TNS4: variants seen among roughly 807,000 people sequenced by gnomAD.
TNS4 encodes tensin 4.
Under a neutral mutation model 70.4 loss-of-function variants are expected in TNS4, and 46 were observed. The ratio of observed to expected loss-of-function variants is 0.65; its 90% CI spans 0.52 to 0.84. The LOEUF (loss-of-function observed/expected upper bound fraction) is 0.84, where lower values mean the gene tolerates loss of function less well. Among genes scored for constraint, TNS4 ranks in the 40% least tolerant of loss-of-function variants. The probability of loss-of-function intolerance (pLI) is 0.00; values close to 1 mark genes in which losing one functional copy is unlikely to be tolerated. For missense variants in TNS4, 863 were observed against 907.0 expected (o/e 0.95, Z 0.62); for synonymous variants, 390 against 366.6 (o/e 1.06, Z -0.73).
At chr17:40,482,076 G>A in intron 8 of TNS4, 53 bp downstream of exon 8, 2 of 1,593,448 alleles carry the variant, frequency 1.3e-6, no homozygotes, top group East Asian at 2.2e-5. Flanking sequence ...CATTTCTAAT[G>A]AGAACAAACA....
chr17:40,478,052 C>T, intron 12 of TNS4: 5 of 611,536 alleles, frequency 8.2e-6, no homozygotes, highest in Non-Finnish European at 1.4e-5. Flanking sequence ...TGGGACATTC[C>T]AATAGCTTGA....
At position 40,476,906 on chromosome 17, in the gene TNS4, G is replaced by A. The variant is rs1418861584; in HGVS notation, c.*682C>T. 1 of 152,208 alleles carries A rather than the reference G, an allele frequency of 6.6e-6. No individual in the cohort carries two copies. The highest frequency in any genetic ancestry group is 2.4e-5 in the African/African-American group (1 of 41,412). 9.4% of individuals were successfully genotyped at this position (152,208 alleles called of 1,614,324 possible). On this transcript the variant is annotated 3_prime_UTR_variant, in exon 13 of 13. Transcript: ENST00000254051. ...ACCAAGTGGAAAGAAAAGATGGGGTGATACTCATCTGCAAGGGGGTGCAGG... is the reference window on the plus strand; with the variant it reads ...ACCAAGTGGAAAGAAAAGATGGGGTAATACTCATCTGCAAGGGGGTGCAGG...
intron 6 of TNS4, among the ~76,000 whole-genome samples, chr17:40,483,971 C>T (rs1478548356): frequency 6.6e-6 from 1 of 152,188 alleles, no homozygotes; most frequent in Admixed American, 6.5e-5. Flanking sequence ...CACTGTATCC[C>T]TGCTGCCTCA....
chr17:40,487,460 G>T lies in TNS4; in HGVS notation c.864C>A (p.Ser288Arg). The change falls in exon 4 of 13, where the codon AGC becomes AGA. Residue 288 changes from serine to arginine, a missense_variant and splice_region_variant. Ser to Arg is a moderately radical substitution (Grantham distance 110). Coordinates refer to ENST00000254051, the MANE Select transcript of TNS4 (RefSeq NM_032865.6). ...PVSDVSYMFG[S>R]SQSLLHSSNS... ...TGCTGGAGTGCAGGAGGGACTGGCT[G>T]CTGCAGCGGGAGAGAGTCAGACAGG... 1 of 1,599,162 alleles carries T rather than the reference G, an allele frequency of 6.3e-7. No homozygotes were observed. Among genetic ancestry groups the T allele is most frequent in the Non-Finnish European group, 8.5e-7 (1 of 1,169,816 alleles).
At chr17:40,480,792 C>A (rs779657652) in intron 8 of TNS4, 24 bp from the exon 9 acceptor site, 6 of 1,598,020 alleles carry the variant, frequency 3.8e-6, no homozygotes, top group Middle Eastern at 1.7e-4. Context: ...AAGAAACAGG[C>A]CCCCCAAAGG....
chr17:40,494,374 C>T (rs562368294), intron 2 of TNS4, among the ~76,000 whole-genome samples: 1 of 152,364 alleles, frequency 6.6e-6, no homozygotes, highest in East Asian at 1.9e-4. Flanking sequence ...CTGACGCCAG[C>T]CATTAGGCTA....
intron 11 of TNS4, 92 bp downstream of exon 11, chr17:40,478,488 C>G: frequency 6.4e-7 from 1 of 1,573,460 alleles, no homozygotes; most frequent in Non-Finnish European, 8.7e-7. Flanking sequence ...CACAGGCTCC[C>G]TCTGGGATCC....
intron 3 of TNS4, 40 bp downstream of exon 3, chr17:40,488,506 C>CTG (rs146557394): frequency 1.1e-4 from 159 of 1,428,944 alleles, no homozygotes; most frequent in Admixed American, 8.2e-4. Context: ...GTGCGTGTGC[C>CTG]TGTGTGTGTG....
Position 40,484,500 on chromosome 17 carries a change from A to C in TNS4, c.1485T>G (p.Ser495=). 6.2e-7 allele frequency: 1 copy of C among 1,611,460 alleles called. No homozygotes were observed. Among genetic ancestry groups the C allele is most frequent in the Non-Finnish European group, 8.5e-7 (1 of 1,179,988 alleles). ...GACGCATACCTGGTCGACTCTGAGCAGACGCGGGAACCTCCTGCACCTTCA... is the reference window on the plus strand; with the variant it reads ...GACGCATACCTGGTCGACTCTGAGCCGACGCGGGAACCTCCTGCACCTTCA... ...LALKVQEVPA[S]AQSRPGEDSN... Residue 495 remains serine, a synonymous_variant, in exon 6 of 13, where the codon TCT becomes TCG. Coordinates refer to ENST00000254051, the MANE Select transcript of TNS4 (RefSeq NM_032865.6).
intron 12 of TNS4, 107 bp downstream of exon 12, chr17:40,478,200 T>G: frequency 1.4e-6 from 2 of 1,418,672 alleles, no homozygotes; most frequent in Admixed American, 1.8e-5. Flanking sequence ...GACCAGGGCC[T>G]GTGCCCTCAT....
Position 40,478,639 on chromosome 17 carries a change from GA to G in TNS4, c.1919del (p.Phe640SerfsTer66). On this transcript the variant is annotated frameshift_variant, in exon 11 of 13. Coordinates refer to ENST00000254051, the MANE Select transcript of TNS4 (RefSeq NM_032865.6). LOFTEE classifies it high-confidence loss of function. ...GGGTGGTGAGTGGGTAATGGCGCCG[GA>G]AAAACACCCTAGGAGGAGGCGGGGA... The part of the protein sequence containing the change: ...TLTDVQRKVF[F>X]RRHYPLTTLR... 1 of 1,614,024 alleles carries G rather than the reference GA, an allele frequency of 6.2e-7. No homozygotes were observed. The highest frequency in any genetic ancestry group is 8.5e-7 in the Non-Finnish European group (1 of 1,179,940).
chr17:40,501,408 A>AG (rs2036214363), intron 1 of TNS4, 126 bp downstream of exon 1: 1 of 148,162 alleles, frequency 6.7e-6, no homozygotes, highest in South Asian at 2.1e-4. Flanking sequence ...AGATCGCGCC[A>AG]CTGCACTCCA....
At chr17:40,493,212 T>C (rs1440982570) in intron 2 of TNS4, among the ~76,000 whole-genome samples, 2 of 152,144 alleles carry the variant, frequency 1.3e-5, no homozygotes, top group African/African-American at 2.4e-5. Flanking sequence ...AATATAGAAT[T>C]GCCAATGTTT....
intron 2 of TNS4, among the ~76,000 whole-genome samples, chr17:40,489,217 T>G (rs1012337489): frequency 3.3e-5 from 5 of 152,052 alleles, no homozygotes; most frequent in Admixed American, 1.3e-4. Flanking sequence ...GACCCAGGCT[T>G]CAGATCTGGC....
intron 1 of TNS4, among the ~76,000 whole-genome samples, chr17:40,499,107 G>A (rs1008042171): frequency 3.9e-5 from 6 of 152,150 alleles, no homozygotes; most frequent in Non-Finnish European, 1.5e-5. Context: ...ACAGCCCAGC[G>A]CCACACCCTG....
chr17:40,496,504 C>A lies in TNS4; in HGVS notation c.-79G>T. 1 of 1,407,624 alleles carries A rather than the reference C, an allele frequency of 7.1e-7. No individual in the cohort carries two copies. Among genetic ancestry groups the A allele is most frequent in the South Asian group, 1.4e-5 (1 of 72,120 alleles). 87.2% of individuals were successfully genotyped at this position (1,407,624 alleles called of 1,614,324 possible). The stretch of plus-strand genomic sequence containing the variant: ...ACATCCCAGAGATCTCACTTGCTAA[C>A]CAGGAGCTCCCAGGATCTGAAAGAG... On this transcript the variant is annotated 5_prime_UTR_variant, in exon 2 of 13. Transcript: ENST00000254051.
At position 40,480,722 on chromosome 17, in the gene TNS4, G is replaced by C. The variant is rs2035910872; in HGVS notation, c.1719C>G (p.Ala573=). The part of the protein sequence containing the change: ...DGASDSTDSP[A]SCQKKSAGCH... ...CACCCGCAGATTTCTTCTGGCAGGA[G>C]GCTGGGCTGTCTGTAGAGTCCGAGG... The change falls in exon 9 of 13, where the codon GCC becomes GCG. Residue 573 remains alanine (A), a synonymous_variant. Coordinates refer to ENST00000254051, the MANE Select transcript of TNS4 (RefSeq NM_032865.6). 1.3e-6 allele frequency: 2 copies of C among 1,580,290 alleles called. No individual in the cohort carries two copies. Among genetic ancestry groups the C allele is most frequent in the Non-Finnish European group, 1.7e-6 (2 of 1,166,796 alleles).
intron 2 of TNS4, among the ~76,000 whole-genome samples, chr17:40,489,357 T>C (rs1429208725): frequency 1.3e-5 from 2 of 152,148 alleles, no homozygotes; most frequent in Admixed American, 6.5e-5. Flanking sequence ...GTGAAACTCA[T>C]GTAGGCAGCA....
At chr17:40,480,870 A>G (rs1203062514) in intron 8 of TNS4, 102 bp from the exon 9 acceptor site, 3 of 1,295,608 alleles carry the variant, frequency 2.3e-6, no homozygotes, top group East Asian at 2.7e-5. Context: ...AAGATCTCCC[A>G]CCTCCACCCC....
Sources: gnomAD v4.1 joint callset for allele counts (sites outside exome capture counted in the v4.1 genomes callset) on GRCh38, gnomAD v4.1.1 for gene constraint, MANE v1.5 for transcripts, NCBI Gene and HGNC (gene_info 2026-07-23, HGNC 2026-07-21) for gene names.